Variants in USH2A observed in about 807,000 individuals in gnomAD.
The protein encoded by USH2A is Usher syndrome 2A (autosomal recessive, mild).
In USH2A, 443 loss-of-function variants were observed where a neutral mutation model predicts 538.9. The ratio of observed to expected loss-of-function variants is 0.82; its 90% CI spans 0.76 to 0.89. The LOEUF (loss-of-function observed/expected upper bound fraction) is 0.89. USH2A is among the 40% of genes least tolerant of loss of function. The pLI is 0.00. For synonymous variants in USH2A, 2,413 were observed against 2,273.5 expected (o/e 1.06, Z -1.75); for missense variants, 6,633 against 6,324.8 (o/e 1.05, Z -1.65).
Position 216,134,320 on chromosome 1 carries a change from C to T in USH2A, c.4628-37107G>A, listed in dbSNP as rs148083399. The stretch of plus-strand genomic sequence containing the variant: ...GAGGGAATTCACACATGAAACCCTT[C>T]GAGAATATATCCCAATACACATGGT... On this transcript the variant is annotated intron_variant, in intron 21 of 71. Transcript: ENST00000307340. Among the ~76,000 whole-genome samples, 7 of 151,986 alleles carry T rather than the reference C, an allele frequency of 4.6e-5. No individual in the cohort carries two copies. The East Asian group carries it at 5.8e-4, about 13-fold the overall frequency.
At chr1:216,190,714 A>C (rs957744204) in intron 19 of USH2A, among the ~76,000 whole-genome samples, 1 of 152,040 alleles carries the variant, frequency 6.6e-6, no homozygotes, top group Non-Finnish European at 1.5e-5. Context: ...AAGTCCAAAC[A>C]AAGCCATGGG....
intron 21 of USH2A, among the ~76,000 whole-genome samples, chr1:216,140,980 T>C (rs191180093): frequency 2.0e-5 from 3 of 152,232 alleles, no homozygotes; most frequent in Non-Finnish European, 4.4e-5. Flanking sequence ...CTTCCACAGA[T>C]GAAATAGAAT....
chr1:215,932,400 T>C (rs1046066160), intron 38 of USH2A, among the ~76,000 whole-genome samples: 2 of 152,028 alleles, frequency 1.3e-5, no homozygotes, highest in African/African-American at 2.4e-5. Flanking sequence ...TTCTAGTGAA[T>C]GCCACATGCT....
chr1:215,767,104 C>T (rs1381813861), intron 55 of USH2A, among the ~76,000 whole-genome samples: 2 of 152,128 alleles, frequency 1.3e-5, no homozygotes, highest in African/African-American at 4.8e-5. Context: ...CAGAGCACTC[C>T]GTCTCTCAAA....
At chr1:216,083,123 AAT>A (rs2032006385) in intron 26 of USH2A, among the ~76,000 whole-genome samples, 1 of 151,974 alleles carries the variant, frequency 6.6e-6, no homozygotes, top group Non-Finnish European at 1.5e-5. Context: ...AAAAATATAT[AAT>A]ATATATGCTT....
Position 216,246,810 on chromosome 1 carries a change from T to G in USH2A, c.2584A>C (p.Asn862His). The change falls in exon 13 of 72, where the codon AAC becomes CAC. Residue 862 changes from asparagine (N) to histidine (H), a missense_variant. Transcript: ENST00000307340. The part of the protein sequence containing the change: ...TGTINGSLLC[N>H]KSTGQCPCKL... ...CAAGGACATTGTCCTGTTGATTTGT[T>G]ACACAGCAGAGAGCCATTTATTGTC... 6.2e-7 allele frequency: 1 copy of G among 1,614,162 alleles called. No homozygotes were observed. Among genetic ancestry groups the G allele is most frequent in the Non-Finnish European group, 8.5e-7 (1 of 1,179,980 alleles).
At chr1:216,222,063 G>A (rs550165837) in intron 14 of USH2A, among the ~76,000 whole-genome samples, 1 of 152,142 alleles carries the variant, frequency 6.6e-6, no homozygotes, top group Non-Finnish European at 1.5e-5. Flanking sequence ...CTGAAAAGGT[G>A]ATTTACGCAG....
At chr1:216,385,350 G>A (rs1223214620) in intron 3 of USH2A, among the ~76,000 whole-genome samples, 2 of 152,140 alleles carry the variant, frequency 1.3e-5, no homozygotes, top group African/African-American at 4.8e-5. Context: ...CAAAGAGCTT[G>A]AAAGTCTAAA....
At chr1:216,122,158 T>C (rs538478507) in intron 21 of USH2A, among the ~76,000 whole-genome samples, 13 of 152,298 alleles carry the variant, frequency 8.5e-5, no homozygotes, top group Admixed American at 8.5e-4. Flanking sequence ...GCACATCAGA[T>C]CTGTTATGAA....
At chr1:216,388,265 C>A (rs1387721448) in intron 3 of USH2A, among the ~76,000 whole-genome samples, 1 of 152,120 alleles carries the variant, frequency 6.6e-6, no homozygotes, top group East Asian at 1.9e-4. Flanking sequence ...GGGAATAATA[C>A]CTTTTCTAAA....
At chr1:216,252,546 C>T (rs187881886) in intron 11 of USH2A, among the ~76,000 whole-genome samples, 5 of 152,244 alleles carry the variant, frequency 3.3e-5, no homozygotes, top group Non-Finnish European at 7.4e-5. Flanking sequence ...CTCAATTGTC[C>T]TCATCCAAGA....
chr1:215,859,655 G>A (rs1664264799), intron 44 of USH2A, among the ~76,000 whole-genome samples: 1 of 152,022 alleles, frequency 6.6e-6, no homozygotes, highest in Non-Finnish European at 1.5e-5. Flanking sequence ...TGTACTTAGG[G>A]GGCAGTCCTG....
At chr1:216,322,936 G>T (rs12563727) in intron 8 of USH2A, among the ~76,000 whole-genome samples, 2 of 151,862 alleles carry the variant, frequency 1.3e-5, no homozygotes, top group East Asian at 3.9e-4. Flanking sequence ...TGTGAGTCAT[G>T]TTCTCAATTA....
intron 11 of USH2A, among the ~76,000 whole-genome samples, chr1:216,258,585 A>G (rs929851298): frequency 6.6e-6 from 1 of 151,904 alleles, no homozygotes; most frequent in Non-Finnish European, 1.5e-5. Flanking sequence ...AATTTGGAGA[A>G]CTCTCTGAGC....
intron 64 of USH2A, among the ~76,000 whole-genome samples, chr1:215,666,952 G>A (rs192252489): frequency 7.9e-5 from 12 of 152,232 alleles, no homozygotes; most frequent in Non-Finnish European, 1.3e-4. Context: ...CTAGCTGGGC[G>A]TGGTGGTGTG....
chr1:216,109,915 G>A (rs2032825888), intron 21 of USH2A, among the ~76,000 whole-genome samples: 1 of 151,900 alleles, frequency 6.6e-6, no homozygotes, highest in Non-Finnish European at 1.5e-5. Context: ...TTGTTCAATT[G>A]TCTAATCATC....
chr1:216,367,976 T>A (rs1470938743), intron 3 of USH2A, among the ~76,000 whole-genome samples: 1 of 152,192 alleles, frequency 6.6e-6, no homozygotes, highest in African/African-American at 2.4e-5. Flanking sequence ...CTCGTGCATG[T>A]TTATTGGTGT....
chr1:215,657,804 C>T lies in USH2A; in HGVS notation c.14134-7003G>A, dbSNP rs190641412. Among the ~76,000 whole-genome samples the T allele has an allele frequency of 5.9e-5, 9 of 152,254 alleles. No homozygotes were observed. The East Asian group carries it at 9.6e-4, about 16-fold the overall frequency. On this transcript the variant is annotated intron_variant, in intron 64 of 71. Transcript: ENST00000307340. ...CCCATGCTAGAATTGGGTGTCTTGT[C>T]GCTACTGCTTCTCATACCGCCTTGC...
chr1:216,101,119 T>TA (rs1048705243), intron 21 of USH2A, among the ~76,000 whole-genome samples: 3 of 152,168 alleles, frequency 2.0e-5, no homozygotes, highest in African/African-American at 7.2e-5. Context: ...ATGACAAAAT[T>TA]AAAAATGCAC....
Sources: gnomAD v4.1 joint callset for allele counts (sites outside exome capture counted in the v4.1 genomes callset) on GRCh38, gnomAD v4.1.1 for gene constraint, MANE v1.5 for transcripts, NCBI Gene and HGNC (gene_info 2026-07-23, HGNC 2026-07-21) for gene names.